The following STAG1 variants were observed in gnomAD, a reference collection of about 807,000 sequenced individuals.
The protein encoded by STAG1 is STAG1 cohesin complex component.
In STAG1, 26 loss-of-function variants were observed where a neutral mutation model predicts 170.9. The ratio of observed to expected loss-of-function variants is 0.15; its 90% confidence interval spans 0.11 to 0.21. The LOEUF is 0.21. STAG1 is among the 10% of genes least tolerant of loss of function. STAG1 has a pLI of 1.00. For missense variants in STAG1, 964 were observed against 1,509.5 expected (o/e 0.64, Z 5.99); for synonymous variants, 514 against 497.7 (o/e 1.03, Z -0.44).
rs753912835 is a variant in STAG1 at position 136,439,389 on chromosome 3, GACACACACACACACACACAC to G, written c.1546+3878_1546+3897del. 1.9e-4 allele frequency among the ~76,000 whole-genome samples: 18 copies of G among 95,868 alleles called. No individual in the cohort carries two copies. The South Asian group carries it at 3.3e-3, about 18-fold the overall frequency. 62.9% of individuals were successfully genotyped at this position (95,868 alleles called of 152,430 possible). A position where few individuals can be genotyped will look rare whatever the true frequency, so the allele number is the denominator to read the frequency against. On this transcript the variant is annotated intron_variant, in intron 15 of 33. Transcript: ENST00000383202. ...TTGATTTTGCTGTAAAACACCCCCC[GACACACACACACACACACAC>G]ACACACACACACACACACACACACA...
intron 5 of STAG1, among the ~76,000 whole-genome samples, chr3:136,552,624 T>C (rs1936453012): frequency 6.6e-6 from 1 of 152,130 alleles, no homozygotes; most frequent in African/African-American, 2.4e-5. Flanking sequence ...CTAGAAGAAA[T>C]AACTCTATAA....
chr3:136,619,756 C>CCA (rs1939759103), intron 3 of STAG1, among the ~76,000 whole-genome samples: 1 of 67,762 alleles, frequency 1.5e-5, no homozygotes, highest in Non-Finnish European at 2.6e-5. Context: ...GACTCTGTCT[C>CCA]AAAAAAAAAA....
Position 136,431,940 on chromosome 3 carries a change from A to G in STAG1, c.1650+1616T>C, listed in dbSNP as rs1436858488. Among the ~76,000 whole-genome samples, 6 of 152,242 alleles carry G rather than the reference A, an allele frequency of 3.9e-5. No homozygotes were observed. The East Asian group carries it at 1.2e-3, about 29-fold the overall frequency. ...TTTTGTTAAGCTTCTTGAATCTGCAAATTGTCTCTCATCAAATTTGGGAGG... is the reference window on the plus strand; with the variant it reads ...TTTTGTTAAGCTTCTTGAATCTGCAGATTGTCTCTCATCAAATTTGGGAGG... On this transcript the variant is annotated intron_variant, in intron 16 of 33. Coordinates refer to ENST00000383202, the MANE Select transcript of STAG1 (RefSeq NM_005862.3).
chr3:136,397,454 T>C (rs892725826), intron 22 of STAG1, among the ~76,000 whole-genome samples: 10 of 122,902 alleles, frequency 8.1e-5, no homozygotes, highest in Non-Finnish European at 1.3e-4. Context: ...TTTTTTTCTT[T>C]CTTTTTTTTT....
chr3:136,664,122 T>G (rs1941674503), intron 1 of STAG1, among the ~76,000 whole-genome samples: 1 of 152,168 alleles, frequency 6.6e-6, no homozygotes, highest in Non-Finnish European at 1.5e-5. Context: ...GTCTAAAGTA[T>G]TCTTCAAACT....
At chr3:136,525,307 T>C (rs1200227983) in intron 6 of STAG1, among the ~76,000 whole-genome samples, 2 of 152,228 alleles carry the variant, frequency 1.3e-5, no homozygotes, top group Non-Finnish European at 2.9e-5. Context: ...TTCAACTTCT[T>C]CCTGGTTTAG....
At chr3:136,543,689 T>G (rs1936013977) in intron 5 of STAG1, among the ~76,000 whole-genome samples, 1 of 152,194 alleles carries the variant, frequency 6.6e-6, no homozygotes, top group South Asian at 2.1e-4. Context: ...TCTAATCTTT[T>G]AAGTGGTGAT....
At chr3:136,675,551 T>C (rs960245463) in intron 1 of STAG1, among the ~76,000 whole-genome samples, 2 of 152,206 alleles carry the variant, frequency 1.3e-5, no homozygotes, top group Admixed American at 1.3e-4. Context: ...AAAGTTGAGA[T>C]ATACAATTCA....
chr3:136,523,350 G>T (rs1375333349), intron 6 of STAG1, among the ~76,000 whole-genome samples: 1 of 152,044 alleles, frequency 6.6e-6, no homozygotes, highest in Non-Finnish European at 1.5e-5. Flanking sequence ...CGTGTCTGTT[G>T]GCTGCATAAA....
At chr3:136,407,214 C>G (rs1213422964) in intron 21 of STAG1, among the ~76,000 whole-genome samples, 1 of 152,064 alleles carries the variant, frequency 6.6e-6, no homozygotes, top group Admixed American at 6.5e-5. Flanking sequence ...TTAGTAAAGA[C>G]AGCATTTTGC....
intron 6 of STAG1, among the ~76,000 whole-genome samples, chr3:136,523,405 T>C: frequency 1.3e-5 from 1 of 75,648 alleles, no homozygotes. Flanking sequence ...AGCCCACTTG[T>C]TGATGGGGTT....
At chr3:136,359,425 G>C in intron 26 of STAG1, 129 bp from the exon 27 acceptor site, 2 of 596,964 alleles carry the variant, frequency 3.4e-6, no homozygotes, top group Non-Finnish European at 5.3e-6. Flanking sequence ...TTGAATTTTA[G>C]CTACTCTGTT....
rs181915315 is a variant in STAG1, at chr3:136,382,607, C to T, written c.2278-4855G>A. Among the ~76,000 whole-genome samples, 36 of 151,990 alleles carry T rather than the reference C, an allele frequency of 2.4e-4. 1 individual carries two copies. Among genetic ancestry groups the T allele is most frequent in the Middle Eastern group, 3.4e-3 (1 of 294 alleles). On this transcript the variant is annotated intron_variant, in intron 22 of 33. Coordinates refer to ENST00000383202, the MANE Select transcript of STAG1 (RefSeq NM_005862.3). ...TGTATTTTTAGTAGAGACAGGGTTT[C>T]GCCATGTTGACCAGGCTGGTCTCGA... is the stretch of plus-strand genomic sequence containing the variant.
In STAG1 at chr3:136,736,863, G is replaced by A. The variant is rs1267078409; in HGVS notation, c.-84+15332C>T. ...TTCGCTCTTTCACAGTGTGGTCAAC[G>A]TATTCTTTTCCTGCCTGAATTACAT... On this transcript the variant is annotated intron_variant, in intron 1 of 33. Transcript: ENST00000383202. 5.1e-6 allele frequency: 8 copies of A among 1,580,038 alleles called. No individual in the cohort carries two copies. In the Middle Eastern group the frequency reaches 6.8e-4, roughly 135 times the overall value.
chr3:136,690,072 A>G (rs1234487260), intron 1 of STAG1, among the ~76,000 whole-genome samples: 3 of 151,002 alleles, frequency 2.0e-5, no homozygotes, highest in Non-Finnish European at 4.4e-5. Flanking sequence ...AAAAAAAAAA[A>G]AAAAAAAGTA....
intron 25 of STAG1, among the ~76,000 whole-genome samples, chr3:136,364,862 T>C (rs79829052): frequency 1.6e-4 from 25 of 152,286 alleles, no homozygotes; most frequent in Non-Finnish European, 2.9e-4. Context: ...TATGTTTCCA[T>C]GATGTGAAAT....
chr3:136,500,220 T>C lies in STAG1; in HGVS notation c.902+3A>G. On this transcript the variant is annotated splice_donor_region_variant and intron_variant, in intron 9 of 33. Coordinates refer to ENST00000383202, the MANE Select transcript of STAG1 (RefSeq NM_005862.3). ...CTTCAAAATTATTTTTAAAATCTCT[T>C]ACCGGTATCTATGAACAAATATACC... 6.5e-7 allele frequency: 1 copy of C among 1,527,036 alleles called. No homozygotes were observed. Among genetic ancestry groups the C allele is most frequent in the Non-Finnish European group, 9.0e-7 (1 of 1,114,094 alleles). The allele number at this position is 1,527,036 out of a possible 1,614,324, so 94.6% of individuals were successfully genotyped here. A position where few individuals can be genotyped will look rare whatever the true frequency, so the allele number is the denominator to read the frequency against.
At chr3:136,536,574 G>C (rs746759410) in intron 6 of STAG1, among the ~76,000 whole-genome samples, 2 of 151,776 alleles carry the variant, frequency 1.3e-5, no homozygotes, top group Non-Finnish European at 2.9e-5. Flanking sequence ...GGTGGTGTGC[G>C]CCTGTAGTCC....
At chr3:136,701,891 C>A (rs922803449) in intron 1 of STAG1, among the ~76,000 whole-genome samples, 1 of 152,054 alleles carries the variant, frequency 6.6e-6, no homozygotes, top group Non-Finnish European at 1.5e-5. Context: ...ACTTCTTTTC[C>A]CCCAGAGTTT....
Sources: gnomAD v4.1 joint callset for allele counts (sites outside exome capture counted in the v4.1 genomes callset) on GRCh38, gnomAD v4.1.1 for gene constraint, MANE v1.5 for transcripts, NCBI Gene and HGNC (gene_info 2026-07-23, HGNC 2026-07-21) for gene names.